The following KIAA1549 variants were observed in gnomAD, a reference collection of about 807,000 sequenced individuals.
KIAA1549 encodes UPF0606 protein KIAA1549.
KIAA1549 carries 70 observed loss-of-function variants against 156.4 expected under a neutral mutation model. The ratio of observed to expected loss-of-function variants is 0.45; its 90% CI spans 0.37 to 0.55. The LOEUF (loss-of-function observed/expected upper bound fraction) is 0.55. Among genes scored for constraint, KIAA1549 ranks in the 20% least tolerant of loss-of-function variants. The pLI is 0.00. For synonymous variants in KIAA1549, 1,103 were observed against 1,066.4 expected (o/e 1.03, Z -0.67); for missense variants, 2,428 against 2,540.9 (o/e 0.96, Z 0.96).
chr7:138,958,985 C>T (rs902643830), intron 1 of KIAA1549, among the ~76,000 whole-genome samples: 10 of 152,122 alleles, frequency 6.6e-5, no homozygotes, highest in East Asian at 3.9e-4. Flanking sequence ...CTGCAACATC[C>T]GCCTCCCAGA....
chr7:138,949,732 T>G (rs910724501), intron 1 of KIAA1549, among the ~76,000 whole-genome samples: 1 of 152,218 alleles, frequency 6.6e-6, no homozygotes, highest in Non-Finnish European at 1.5e-5. Context: ...TGGCTTCACA[T>G]GACTGCAGAC....
intron 13 of KIAA1549, among the ~76,000 whole-genome samples, chr7:138,870,252 G>C (rs1810888615): frequency 6.6e-6 from 1 of 151,864 alleles, no homozygotes; most frequent in Non-Finnish European, 1.5e-5. Flanking sequence ...AGAGCGACAG[G>C]CACAGACCAG....
chr7:138,939,828 T>C (rs951826421), intron 1 of KIAA1549, among the ~76,000 whole-genome samples: 2 of 151,928 alleles, frequency 1.3e-5, no homozygotes, highest in African/African-American at 2.4e-5. Flanking sequence ...ACTAAGGAGG[T>C]TGGGTTTTTT....
chr7:138,859,363 G>A (rs1810488767), intron 16 of KIAA1549, among the ~76,000 whole-genome samples: 1 of 152,120 alleles, frequency 6.6e-6, no homozygotes, highest in Non-Finnish European at 1.5e-5. Context: ...ATTTTGGGGA[G>A]GACACAGTTC....
intron 10 of KIAA1549, among the ~76,000 whole-genome samples, chr7:138,890,985 T>C (rs1350395352): frequency 6.6e-6 from 1 of 152,212 alleles, no homozygotes; most frequent in Non-Finnish European, 1.5e-5. Flanking sequence ...TGGGCCCGCC[T>C]TCATCTCCAC....
chr7:138,835,467 AC>A lies in KIAA1549; in HGVS notation c.*2438del, dbSNP rs1416685084. The A allele has an allele frequency of 9.2e-6, 2 of 218,014 alleles. No individual in the cohort carries two copies. Among genetic ancestry groups the A allele is most frequent in the African/African-American group, 4.5e-5 (2 of 44,494 alleles). The allele number at this position is 218,014 out of a possible 1,614,324, so 13.5% of individuals were successfully genotyped here. A position where few individuals can be genotyped will look rare whatever the true frequency, so the allele number is the denominator to read the frequency against. ...TTTGAAAGACATCAAAATTGCTTTT[AC>A]GGTCAGCCCAATTTGAAACAGAACC... is the stretch of plus-strand genomic sequence containing the variant. On this transcript the variant is annotated 3_prime_UTR_variant, in exon 20 of 20. Transcript: ENST00000422774.
At chr7:138,876,995 A>T (rs1436900008) in intron 12 of KIAA1549, among the ~76,000 whole-genome samples, 1 of 152,100 alleles carries the variant, frequency 6.6e-6, no homozygotes, top group Non-Finnish European at 1.5e-5. Context: ...ATGCCACATG[A>T]CCTGGGACAG....
rs1809545947 is a variant in KIAA1549 at position 138,831,995 on chromosome 7, A to G, written c.*5911T>C. 2 of 232,162 alleles carry G rather than the reference A, an allele frequency of 8.6e-6. No homozygotes were observed. The highest frequency in any genetic ancestry group is 1.7e-5 in the Non-Finnish European group (2 of 117,386). 14.4% of individuals were successfully genotyped at this position (232,162 alleles called of 1,614,324 possible). Reference sequence around the variant, plus strand: ...ACATTTGCAGGAGGAACAGTACAGCATATGCGACTTGAACTTGGCCCTGTA... The same window carrying G: ...ACATTTGCAGGAGGAACAGTACAGCGTATGCGACTTGAACTTGGCCCTGTA... On this transcript the variant is annotated 3_prime_UTR_variant, in exon 20 of 20. Coordinates refer to ENST00000422774, the MANE Select transcript of KIAA1549 (RefSeq NM_001164665.2).
intron 12 of KIAA1549, among the ~76,000 whole-genome samples, chr7:138,872,843 G>A (rs1703633556): frequency 6.6e-6 from 1 of 152,210 alleles, no homozygotes; most frequent in Admixed American, 6.5e-5. Context: ...GGTAGAGGGT[G>A]CAGTGAGCCG....
In KIAA1549 at chr7:138,903,572, C is replaced by CT; in HGVS notation, c.3669+15dup. 6.2e-7 allele frequency: 1 copy of CT among 1,611,646 alleles called. No individual in the cohort carries two copies. ...CTCCCTCTCTCTCCTTCCCCTCCTC[C>CT]TTTGATGTGGAGTACCTGCACCACA... On this transcript the variant is annotated intron_variant, in intron 8 of 19. Coordinates refer to ENST00000422774, the MANE Select transcript of KIAA1549 (RefSeq NM_001164665.2).
chr7:138,901,476 C>T (rs1811840174), intron 8 of KIAA1549, among the ~76,000 whole-genome samples: 1 of 152,036 alleles, frequency 6.6e-6, no homozygotes, highest in Non-Finnish European at 1.5e-5. Flanking sequence ...CAGGCACACA[C>T]CACCATGCCC....
Position 138,833,160 on chromosome 7 carries a change from GA to G in KIAA1549, c.*4745del. 4.3e-6 allele frequency: 1 copy of G among 232,578 alleles called. No individual in the cohort carries two copies. The highest frequency in any genetic ancestry group is 8.5e-6 in the Non-Finnish European group (1 of 117,612). 14.4% of individuals were successfully genotyped at this position (232,578 alleles called of 1,614,324 possible). On this transcript the variant is annotated 3_prime_UTR_variant, in exon 20 of 20. Coordinates refer to ENST00000422774, the MANE Select transcript of KIAA1549 (RefSeq NM_001164665.2). ...CTCCGGAGGTAGAAATGACCACGGT[GA>G]AAACTCCACTTGAGCTAAAGTTAGC...
At position 138,868,100 on chromosome 7, in the gene KIAA1549, G is replaced by C; in HGVS notation, c.4804C>G (p.Arg1602Gly). 1.9e-6 allele frequency: 3 copies of C among 1,613,660 alleles called. No homozygotes were observed. The highest frequency in any genetic ancestry group is 2.5e-6 in the Non-Finnish European group (3 of 1,179,818). ...CAGCCGTTGACCTGGTGTTTCCGGCGAGGCTTGGGAGAACGTTTTATCCGT... is the reference window on the plus strand; with the variant it reads ...CAGCCGTTGACCTGGTGTTTCCGGCCAGGCTTGGGAGAACGTTTTATCCGT... ...SSRIKRSPKP[R>G]RKHQVNGCPA... is the part of the protein sequence containing the mutation. The change falls in exon 15 of 20, where the codon CGC (arginine) becomes GGC (glycine). Residue 1602 changes from arginine to glycine, a missense_variant. This residue lies in a region of KIAA1549 where 404 missense variants were observed against 417.0 expected (regional missense o/e 0.97). Transcript: ENST00000422774.
chr7:138,840,802 C>T (rs1465232202), intron 18 of KIAA1549, among the ~76,000 whole-genome samples: 1 of 152,172 alleles, frequency 6.6e-6, no homozygotes, highest in Non-Finnish European at 1.5e-5. Context: ...CCCCTCCTCC[C>T]TGTGAGCACC....
chr7:138,934,478 C>A (rs1049694299), intron 1 of KIAA1549, among the ~76,000 whole-genome samples: 1 of 151,050 alleles, frequency 6.6e-6, no homozygotes, highest in African/African-American at 2.4e-5. Flanking sequence ...GGGCGGAGTA[C>A]ACCAAGAGAG....
chr7:138,876,845 G>A (rs1811098289), intron 12 of KIAA1549, among the ~76,000 whole-genome samples: 1 of 152,196 alleles, frequency 6.6e-6, no homozygotes, highest in South Asian at 2.1e-4. Context: ...AGGGTTCATG[G>A]ATGGCCATGA....
chr7:138,978,491 A>T (rs1244134901), intron 1 of KIAA1549, among the ~76,000 whole-genome samples: 21 of 150,166 alleles, frequency 1.4e-4, no homozygotes, highest in Admixed American at 1.3e-3. Context: ...TTTTTTTTTT[A>T]AAAAAACACA....
chr7:138,932,252 C>T (rs931589008), intron 1 of KIAA1549, among the ~76,000 whole-genome samples: 5 of 152,130 alleles, frequency 3.3e-5, no homozygotes, highest in African/African-American at 9.7e-5. Context: ...GGAAAACAAG[C>T]GTTTGCAGAG....
At chr7:138,882,973 T>C (rs6961366) in intron 10 of KIAA1549, among the ~76,000 whole-genome samples, 65,028 of 150,904 alleles carry the variant, frequency 0.43, 14,691 homozygotes, top group African/African-American at 0.56. Flanking sequence ...ATTTGTTGGC[T>C]GGGCACGGTG....
Sources: gnomAD v4.1 joint callset for allele counts (sites outside exome capture counted in the v4.1 genomes callset) on GRCh38, gnomAD v4.1.1 for gene constraint, gnomAD v4.1.1 regional missense constraint, MANE v1.5 for transcripts, NCBI Gene and HGNC (gene_info 2026-07-23, HGNC 2026-07-21) for gene names.